The following CHIC2 variants were observed in gnomAD, a reference collection of about 807,000 sequenced individuals.
CHIC2 encodes cysteine-rich hydrophobic domain-containing protein 2.
CHIC2 carries 14 observed loss-of-function variants against 25.9 expected under a neutral mutation model. The ratio of observed to expected loss-of-function variants is 0.54; its 90% CI spans 0.36 to 0.85. The LOEUF is 0.85. CHIC2 is among the 40% of genes least tolerant of loss of function. The probability of loss-of-function intolerance (pLI) is 0.01; values close to 1 mark genes in which losing one functional copy is unlikely to be tolerated. For synonymous variants in CHIC2, 70 were observed against 72.0 expected (o/e 0.97, Z 0.14); for missense variants, 146 against 202.0 (o/e 0.72, Z 1.68).
At chr4:54,057,917 T>C (rs1717223108) in intron 1 of CHIC2, among the ~76,000 whole-genome samples, 1 of 152,164 alleles carries the variant, frequency 6.6e-6, no homozygotes, top group Non-Finnish European at 1.5e-5. Context: ...CAAGAACAGC[T>C]GACCAATTAC....
Position 54,014,126 on chromosome 4 carries a change from G to T in CHIC2, c.331-7C>A, listed in dbSNP as rs763303031. 6 of 1,612,622 alleles carry T rather than the reference G, an allele frequency of 3.7e-6. No individual in the cohort carries two copies. Among genetic ancestry groups the T allele is most frequent in the Non-Finnish European group, 4.2e-6 (5 of 1,179,254 alleles). On this transcript the variant is annotated splice_polypyrimidine_tract_variant and splice_region_variant and intron_variant, in intron 3 of 5. Transcript: ENST00000263921. The stretch of plus-strand genomic sequence containing the variant: ...TCTCAATCGATCTTCGTGTCTGGAA[G>T]ACAAATGAGAAAAAAGTTTACTCTT...
chr4:54,084,195 C>G, the CHIC2 span, among the ~76,000 whole-genome samples: 1 of 152,170 alleles, frequency 6.6e-6, no homozygotes, highest in African/African-American at 2.4e-5. Context: ...GTCTAGTCAT[C>G]TTTGTAGCCC....
At chr4:54,017,639 T>C (rs906660375) in intron 3 of CHIC2, among the ~76,000 whole-genome samples, 6 of 152,138 alleles carry the variant, frequency 3.9e-5, no homozygotes, top group African/African-American at 1.4e-4. Flanking sequence ...AATGTAATTT[T>C]ATCAAGTATT....
At chr4:54,053,086 T>C (rs982831407) in intron 1 of CHIC2, among the ~76,000 whole-genome samples, 1 of 152,228 alleles carries the variant, frequency 6.6e-6, no homozygotes, top group Non-Finnish European at 1.5e-5. Context: ...TCCCTCCCTT[T>C]CATTTTTAGA....
the CHIC2 span, among the ~76,000 whole-genome samples, chr4:54,086,129 C>T: frequency 2.6e-5 from 4 of 151,860 alleles, no homozygotes; most frequent in Non-Finnish European, 5.9e-5. Flanking sequence ...ATCTCCTCTG[C>T]CAGGTTCTGC....
rs187933918 is a variant in CHIC2 at position 54,038,652 on chromosome 4, T to C, written c.330+10303A>G. Among the ~76,000 whole-genome samples the C allele has an allele frequency of 1.6e-4, 24 of 152,158 alleles. No homozygotes were observed. The East Asian group carries it at 4.2e-3, about 27-fold the overall frequency. On this transcript the variant is annotated intron_variant, in intron 3 of 5. Transcript: ENST00000263921. ...AATTTATAAAGAAAGGTAAAGAAATTAGAACAGCCAAAACAATCTTGAAAA... is the reference window on the plus strand; with the variant it reads ...AATTTATAAAGAAAGGTAAAGAAATCAGAACAGCCAAAACAATCTTGAAAA...
intron 3 of CHIC2, among the ~76,000 whole-genome samples, chr4:54,043,673 C>G (rs1027506778): frequency 6.6e-6 from 1 of 152,140 alleles, no homozygotes; most frequent in African/African-American, 2.4e-5. Flanking sequence ...TGGAAAGGAA[C>G]AACTGGTACC....
At chr4:54,070,403 T>TATTC in the CHIC2 span, among the ~76,000 whole-genome samples, 15 of 87,114 alleles carry the variant, frequency 1.7e-4, no homozygotes, top group Non-Finnish European at 4.6e-4. Context: ...TTTATTTATT[T>TATTC]ATTTATGTAT....
At chr4:54,023,866 G>C (rs1262087161) in intron 3 of CHIC2, among the ~76,000 whole-genome samples, 1 of 152,136 alleles carries the variant, frequency 6.6e-6, no homozygotes, top group Non-Finnish European at 1.5e-5. Context: ...GCTGAAAGAG[G>C]TTTCCTCACC....
chr4:54,019,128 A>G (rs1715824423), intron 3 of CHIC2, among the ~76,000 whole-genome samples: 1 of 151,974 alleles, frequency 6.6e-6, no homozygotes, highest in Non-Finnish European at 1.5e-5. Context: ...AAATTATATT[A>G]TTCACTTCTG....
chr4:54,087,333 A>T, the CHIC2 span: 1 of 568,352 alleles, frequency 1.8e-6, no homozygotes, highest in Non-Finnish European at 3.1e-6. Flanking sequence ...GGGGACTGGA[A>T]CTTAGTTACC....
At chr4:54,029,252 C>G (rs762801032) in intron 3 of CHIC2, among the ~76,000 whole-genome samples, 1 of 151,948 alleles carries the variant, frequency 6.6e-6, no homozygotes, top group Admixed American at 6.6e-5. Flanking sequence ...ATTTACTGGA[C>G]AGAAATTTCT....
At chr4:54,034,985 G>A (rs75088366) in intron 3 of CHIC2, among the ~76,000 whole-genome samples, 3 of 152,182 alleles carry the variant, frequency 2.0e-5, no homozygotes, top group Admixed American at 6.5e-5. Context: ...CCACTTTAGA[G>A]ATTGTTGTGT....
At chr4:54,088,303 T>C in the CHIC2 span, among the ~76,000 whole-genome samples, 1 of 152,214 alleles carries the variant, frequency 6.6e-6, no homozygotes, top group South Asian at 2.1e-4. Context: ...GTTTGTTTCA[T>C]GGTTTTTGCA....
At chr4:54,031,062 AATAGAAATAGTTT>A (rs1716214432) in intron 3 of CHIC2, among the ~76,000 whole-genome samples, 1 of 152,014 alleles carries the variant, frequency 6.6e-6, no homozygotes, top group Non-Finnish European at 1.5e-5. Flanking sequence ...AAAGCATGGA[AATAGAAATAGTTT>A]ATAGACCTAC....
At chr4:54,031,259 C>T (rs1577970617) in intron 3 of CHIC2, among the ~76,000 whole-genome samples, 2 of 151,544 alleles carry the variant, frequency 1.3e-5, no homozygotes, top group African/African-American at 4.8e-5. Flanking sequence ...GTTTACTATC[C>T]TTTATACTGT....
At chr4:54,071,191 T>C in the CHIC2 span, among the ~76,000 whole-genome samples, 1 of 152,238 alleles carries the variant, frequency 6.6e-6, no homozygotes, top group Non-Finnish European at 1.5e-5. Flanking sequence ...GCTAAATGTG[T>C]ATATAGATTA....
chr4:54,071,650 A>G, the CHIC2 span, among the ~76,000 whole-genome samples: 1 of 152,188 alleles, frequency 6.6e-6, no homozygotes, highest in Admixed American at 6.5e-5. Context: ...AACACCTACA[A>G]CAGTACCTGC....
intron 1 of CHIC2, among the ~76,000 whole-genome samples, chr4:54,056,585 A>G (rs1367980690): frequency 6.6e-6 from 1 of 152,156 alleles, no homozygotes; most frequent in African/African-American, 2.4e-5. Flanking sequence ...AAGAGAATAA[A>G]ACAAGAAGTT....
Sources: gnomAD v4.1 joint callset for allele counts (sites outside exome capture counted in the v4.1 genomes callset) on GRCh38, gnomAD v4.1.1 for gene constraint, MANE v1.5 for transcripts, NCBI Gene and HGNC (gene_info 2026-07-23, HGNC 2026-07-21) for gene names.